The following FOXJ3 variants were observed in gnomAD, a reference collection of about 807,000 sequenced individuals.
FOXJ3 encodes forkhead box J3.
FOXJ3 carries 22 observed loss-of-function variants against 76.1 expected under a neutral mutation model. The ratio of observed to expected loss-of-function variants is 0.29; its 90% CI spans 0.21 to 0.41. The LOEUF (loss-of-function observed/expected upper bound fraction) is 0.41, where lower values mean the gene tolerates loss of function less well. Ranked by LOEUF, FOXJ3 falls within the 10% of genes least tolerant of loss-of-function variation. The pLI, the probability that FOXJ3 is intolerant of heterozygous loss-of-function variation, is 1.00. For missense variants in FOXJ3, 613 were observed against 762.1 expected (o/e 0.80, Z 2.30); for synonymous variants, 269 against 261.2 (o/e 1.03, Z -0.29).
At chr1:42,239,682 G>T (rs1171897236) in intron 4 of FOXJ3, among the ~76,000 whole-genome samples, 1 of 152,020 alleles carries the variant, frequency 6.6e-6, no homozygotes, top group Admixed American at 6.6e-5. Flanking sequence ...TATTACTCTG[G>T]CTTTTGTATT....
chr1:42,231,460 T>C (rs1461628147), intron 4 of FOXJ3, among the ~76,000 whole-genome samples: 1 of 152,018 alleles, frequency 6.6e-6, no homozygotes, highest in African/African-American at 2.4e-5. Context: ...TGATGGTTGG[T>C]AGGGGATAAG....
At chr1:42,276,010 C>G (rs1422450941) in intron 3 of FOXJ3, among the ~76,000 whole-genome samples, 2 of 152,076 alleles carry the variant, frequency 1.3e-5, no homozygotes, top group African/African-American at 2.4e-5. Flanking sequence ...AGAAGAATAT[C>G]AATTAATAAA....
chr1:42,271,809 C>T (rs537636182), intron 3 of FOXJ3, among the ~76,000 whole-genome samples: 1 of 152,078 alleles, frequency 6.6e-6, no homozygotes, highest in African/African-American at 2.4e-5. Flanking sequence ...CTACCATGCC[C>T]GGCTAATTTC....
At chr1:42,180,463 AC>A (rs34796854) in intron 12 of FOXJ3, among the ~76,000 whole-genome samples, 14 of 150,014 alleles carry the variant, frequency 9.3e-5, no homozygotes, top group African/African-American at 1.2e-4. Flanking sequence ...ATCTTGACAG[AC>A]CCCCCCCTTC....
At chr1:42,284,455 C>A (rs1410413023) in intron 2 of FOXJ3, among the ~76,000 whole-genome samples, 1 of 152,142 alleles carries the variant, frequency 6.6e-6, no homozygotes, top group East Asian at 1.9e-4. Flanking sequence ...ATTAGAGTTA[C>A]AAGAAGAGAC....
At chr1:42,208,938 A>G (rs1646912316) in intron 5 of FOXJ3, among the ~76,000 whole-genome samples, 1 of 152,230 alleles carries the variant, frequency 6.6e-6, no homozygotes. Context: ...TTTATTGAAT[A>G]CTATATTGAA....
chr1:42,185,609 T>G (rs1646419692), intron 11 of FOXJ3, among the ~76,000 whole-genome samples: 1 of 152,062 alleles, frequency 6.6e-6, no homozygotes, highest in Admixed American at 6.5e-5. Context: ...GGGTCATGTC[T>G]TTATTCTCAG....
chr1:42,274,790 A>G (rs890653372), intron 3 of FOXJ3, among the ~76,000 whole-genome samples: 9 of 152,146 alleles, frequency 5.9e-5, no homozygotes, highest in African/African-American at 1.7e-4. Flanking sequence ...TTATTAATAA[A>G]GCATATGGTA....
chr1:42,211,490 G>T (rs188790944), intron 5 of FOXJ3, among the ~76,000 whole-genome samples: 1 of 152,006 alleles, frequency 6.6e-6, no homozygotes, highest in Admixed American at 6.5e-5. Context: ...GCATTTCACC[G>T]AGAGCTTCCC....
intron 2 of FOXJ3, among the ~76,000 whole-genome samples, chr1:42,287,279 G>A (rs1261458195): frequency 3.9e-5 from 6 of 151,972 alleles, no homozygotes; most frequent in Non-Finnish European, 7.4e-5. Context: ...GGTGGAGGCT[G>A]CAGTGAGCCA....
chr1:42,335,879 G>C (rs1308068935), upstream of FOXJ3: 1 of 152,284 alleles, frequency 6.6e-6, no homozygotes, highest in East Asian at 1.9e-4. Flanking sequence ...CCAGGTTATG[G>C]TACTACTATC....
intron 1 of FOXJ3, among the ~76,000 whole-genome samples, chr1:42,316,333 C>T (rs1306982120): frequency 3.7e-4 from 27 of 73,912 alleles, no homozygotes; most frequent in Middle Eastern, 0.018. Context: ...TGCATTGGGC[C>T]TTTTTTTTTT....
At chr1:42,215,254 A>C (rs1453809560) in intron 5 of FOXJ3, among the ~76,000 whole-genome samples, 1 of 152,188 alleles carries the variant, frequency 6.6e-6, no homozygotes, top group African/African-American at 2.4e-5. Context: ...GTTAAAAAAA[A>C]CTTGAATGGA....
intron 3 of FOXJ3, among the ~76,000 whole-genome samples, chr1:42,276,248 C>T (rs1485229911): frequency 1.3e-5 from 2 of 151,774 alleles, no homozygotes; most frequent in African/African-American, 2.4e-5. Context: ...CCCAGCTACT[C>T]GAGAGGCTGA....
chr1:42,286,876 C>T (rs1348025846), intron 2 of FOXJ3, among the ~76,000 whole-genome samples: 9 of 151,954 alleles, frequency 5.9e-5, no homozygotes, highest in Admixed American at 4.6e-4. Flanking sequence ...TCAGGTGATC[C>T]GCCTGCTTCG....
In FOXJ3 at chr1:42,222,478, T is replaced by C. The variant is rs577942888; in HGVS notation, c.528+5405A>G. ...AGGAATGTACATTCATCCTACCTTA[T>C]CAGTTTATCTTCCCTGCTTGAGTGA... On this transcript the variant is annotated intron_variant, in intron 5 of 12. Transcript: ENST00000361346. 4.6e-5 allele frequency among the ~76,000 whole-genome samples: 7 copies of C among 152,310 alleles called. No homozygotes were observed. In the South Asian group the frequency reaches 6.2e-4, roughly 14 times the overall value.
chr1:42,188,422 T>C (rs1428517524), intron 11 of FOXJ3, among the ~76,000 whole-genome samples: 1 of 152,244 alleles, frequency 6.6e-6, no homozygotes, highest in Non-Finnish European at 1.5e-5. Context: ...TTCATAATTA[T>C]GTTCCTATAA....
At chr1:42,261,700 T>C (rs1651050869) in intron 4 of FOXJ3, among the ~76,000 whole-genome samples, 1 of 152,218 alleles carries the variant, frequency 6.6e-6, no homozygotes, top group Non-Finnish European at 1.5e-5. Context: ...TTCTACCTCT[T>C]GACCTAAGTC....
chr1:42,195,979 T>C (rs1646643327), intron 7 of FOXJ3, among the ~76,000 whole-genome samples: 1 of 152,228 alleles, frequency 6.6e-6, no homozygotes, highest in African/African-American at 2.4e-5. Flanking sequence ...GAGATGGCCA[T>C]GGGGCAGTTA....
Sources: gnomAD v4.1 joint callset for allele counts (sites outside exome capture counted in the v4.1 genomes callset) on GRCh38, gnomAD v4.1.1 for gene constraint, MANE v1.5 for transcripts, NCBI Gene and HGNC (gene_info 2026-07-23, HGNC 2026-07-21) for gene names.